HTD2: variants seen among roughly 807,000 people sequenced by gnomAD.
The protein encoded by HTD2 is hydroxyacyl-thioester dehydratase type 2.
In HTD2, 1 loss-of-function variant was observed where a neutral mutation model predicts 3.1. That is an observed-to-expected ratio of 0.32 (90% CI 0.11 to 1.52). The LOEUF (loss-of-function observed/expected upper bound fraction) is 1.52, where lower values mean the gene tolerates loss of function less well. HTD2 is among the 40% of genes most tolerant of loss of function. The probability of loss-of-function intolerance (pLI) is 0.39; values close to 1 mark genes in which losing one functional copy is unlikely to be tolerated. For missense variants in HTD2, 150 were observed against 79.6 expected (o/e 1.88, Z -3.36); for synonymous variants, 50 against 28.9 (o/e 1.73, Z -2.34).
chr3:58,310,965 C>CA (rs3038127), intron 2 of HTD2, among the ~76,000 whole-genome samples: 105 of 142,786 alleles, frequency 7.4e-4, no homozygotes, highest in African/African-American at 1.1e-3. Flanking sequence ...TTTCAAACAT[C>CA]AAAAAAAAAA....
intron 3 of HTD2, 80 bp from the exon 4 acceptor site, chr3:58,316,835 G>C: frequency 8.2e-7 from 1 of 1,226,566 alleles, no homozygotes; most frequent in Non-Finnish European, 1.2e-6. Context: ...AGTCAGAAGT[G>C]AATATTTTAG....
At chr3:58,309,057 T>C (rs2097479021) in intron 1 of HTD2, among the ~76,000 whole-genome samples, 1 of 152,188 alleles carries the variant, frequency 6.6e-6, no homozygotes, top group Non-Finnish European at 1.5e-5. Context: ...CTGTTTAAGC[T>C]CAGTTGTTCA....
intron 2 of HTD2, among the ~76,000 whole-genome samples, chr3:58,314,452 G>A (rs951367608): frequency 1.2e-4 from 18 of 152,166 alleles, no homozygotes; most frequent in African/African-American, 4.3e-4. Context: ...TTGCTAAAGA[G>A]AATGTGTGGT....
intron 1 of HTD2, among the ~76,000 whole-genome samples, chr3:58,306,886 T>C (rs2097475701): frequency 6.6e-6 from 1 of 151,960 alleles, no homozygotes; most frequent in Non-Finnish European, 1.5e-5. Context: ...GATAAACGAG[T>C]TACATAATTG....
intron 1 of HTD2, 79 bp from the exon 2 acceptor site, chr3:58,310,428 C>A: frequency 6.2e-7 from 1 of 1,611,146 alleles, no homozygotes; most frequent in South Asian, 1.1e-5. Context: ...TTCCTAAGTT[C>A]TATTTTAGAT....
Position 58,310,480 on chromosome 3 carries a change from GACTTTTTTTTTTTTC to G in HTD2, c.-415-17_-415-3del. 5 of 1,515,634 alleles carry G rather than the reference GACTTTTTTTTTTTTC, an allele frequency of 3.3e-6. No homozygotes were observed. The East Asian group carries it at 1.2e-4, about 37-fold the overall frequency. The allele number at this position is 1,515,634 out of a possible 1,614,324, so 93.9% of individuals were successfully genotyped here. On this transcript the variant is annotated splice_polypyrimidine_tract_variant and intron_variant, in intron 1 of 4. Coordinates refer to ENST00000461393, the MANE Select transcript of HTD2 (RefSeq NM_001348712.2). ...ATCTGAATAGAATGAAATTTAATAT[GACTTTTTTTTTTTTC>G]ACTTTTTTTAGAGAATTTCAAGATT... is the stretch of plus-strand genomic sequence containing the variant.
chr3:58,310,294 C>T, intron 1 of HTD2: 3 of 1,590,514 alleles, frequency 1.9e-6, no homozygotes, highest in South Asian at 1.1e-5. Flanking sequence ...TTCTAGCCCT[C>T]TTGACTTACT....
At chr3:58,315,763 G>A (rs928599222) in intron 2 of HTD2, 22 of 152,400 alleles carry the variant, frequency 1.4e-4, no homozygotes, top group Admixed American at 3.9e-4. Context: ...CGCACCCTCC[G>A]CCTCCCAGGT....
At chr3:58,317,128 CTTGA>C in intron 4 of HTD2, 135 bp downstream of exon 4, 1 of 671,380 alleles carries the variant, frequency 1.5e-6, no homozygotes, top group South Asian at 2.0e-5. Context: ...AAATAAAGGA[CTTGA>C]TTGTTTCCAA....
chr3:58,306,878 T>C (rs2097475675), intron 1 of HTD2, among the ~76,000 whole-genome samples: 1 of 152,034 alleles, frequency 6.6e-6, no homozygotes, highest in Non-Finnish European at 1.5e-5. Flanking sequence ...CAGATAAAGA[T>C]AAACGAGTTA....
chr3:58,308,567 C>G (rs1301022371), intron 1 of HTD2, among the ~76,000 whole-genome samples: 2 of 152,110 alleles, frequency 1.3e-5, no homozygotes, highest in Non-Finnish European at 2.9e-5. Flanking sequence ...CACGCCAGGC[C>G]CCAAAGTATT....
At position 58,318,228 on chromosome 3, in the gene HTD2, CTTAG is replaced by C. The variant is rs1408982515; in HGVS notation, c.*113_*116del. The stretch of plus-strand genomic sequence containing the variant: ...ATGGTTGATAGGCCCAGAAGCCCAT[CTTAG>C]TTAGGGGAAGGGAGCAGGAAGAGGG... On this transcript the variant is annotated 3_prime_UTR_variant, in exon 5 of 5. Coordinates refer to ENST00000461393, the MANE Select transcript of HTD2 (RefSeq NM_001348712.2). 6 of 584,470 alleles carry C rather than the reference CTTAG, an allele frequency of 1.0e-5. No individual in the cohort carries two copies. The highest frequency in any genetic ancestry group is 5.6e-5 in the East Asian group (2 of 35,544). The allele number at this position is 584,470 out of a possible 1,614,324, so 36.2% of individuals were successfully genotyped here. A position where few individuals can be genotyped will look rare whatever the true frequency, so the allele number is the denominator to read the frequency against.
chr3:58,310,894 C>T (rs1038828967), intron 2 of HTD2, among the ~76,000 whole-genome samples: 3 of 149,074 alleles, frequency 2.0e-5, no homozygotes, highest in African/African-American at 7.5e-5. Flanking sequence ...AACGCCACTG[C>T]ACTCCAGCCT....
chr3:58,317,116 G>A, intron 4 of HTD2, 123 bp downstream of exon 4: 1 of 693,646 alleles, frequency 1.4e-6, no homozygotes, highest in Admixed American at 2.9e-5. Flanking sequence ...CTAAGTAGGG[G>A]AAAATAAAGG....
intron 1 of HTD2, among the ~76,000 whole-genome samples, 186 bp downstream of exon 1, chr3:58,306,837 T>C (rs2097475582): frequency 6.6e-6 from 1 of 151,874 alleles, no homozygotes; most frequent in African/African-American, 2.4e-5. Flanking sequence ...ATTCTTGGAG[T>C]GGACTTTTGT....
In HTD2 at chr3:58,318,473, C is replaced by T. The variant is rs535009147; in HGVS notation, c.*353C>T. On this transcript the variant is annotated 3_prime_UTR_variant, in exon 5 of 5. Coordinates refer to ENST00000461393, the MANE Select transcript of HTD2 (RefSeq NM_001348712.2). The stretch of plus-strand genomic sequence containing the variant: ...AGGAGTCCAAGACCAGCCTGGCCAA[C>T]ATGGTGAAACCCCATCTCTACCAAA... 1.0e-3 allele frequency: 131 copies of T among 127,368 alleles called. No homozygotes were observed. The highest frequency in any genetic ancestry group is 4.0e-3 in the African/African-American group (126 of 31,626). 7.9% of individuals were successfully genotyped at this position (127,368 alleles called of 1,614,324 possible).
rs1469998670 is a variant in HTD2, at chr3:58,310,633, G to A, written c.-331+42G>A. On this transcript the variant is annotated intron_variant, in intron 2 of 4. Coordinates refer to ENST00000461393, the MANE Select transcript of HTD2 (RefSeq NM_001348712.2). ...TAGATTGAACATTCCAAAGATCTTT[G>A]TAAGAAATACAGAAAGAGGCCGGGC... The A allele has an allele frequency of 1.9e-6, 3 of 1,546,840 alleles. No individual in the cohort carries two copies. The African/African-American group carries it at 4.2e-5, about 21-fold the overall frequency.
Position 58,310,528 on chromosome 3 carries a change from T to A in HTD2, c.-394T>A, listed in dbSNP as rs2097481041. The A allele has an allele frequency of 6.2e-7, 1 of 1,611,728 alleles. No homozygotes were observed. The highest frequency in any genetic ancestry group is 8.5e-7 in the Non-Finnish European group (1 of 1,179,440). On this transcript the variant is annotated 5_prime_UTR_variant, in exon 2 of 5. It introduces an in-frame stop codon into an upstream open reading frame of the 5' UTR. Coordinates refer to ENST00000461393, the MANE Select transcript of HTD2 (RefSeq NM_001348712.2). ...TTAGAGAATTTCAAGATTGTGGAGTTGGACTGAATGCTGCACAGTTCAAAC... is the reference window on the plus strand; with the variant it reads ...TTAGAGAATTTCAAGATTGTGGAGTAGGACTGAATGCTGCACAGTTCAAAC...
rs1282609608 is a variant in HTD2, at chr3:58,306,563, C to T, written c.-504C>T. ...CGCTGAGGGCCTCTGTACGGCGCCG[C>T]GTAGGGTCTCGGCCGCAGAACGTGG... is the stretch of plus-strand genomic sequence containing the variant. On this transcript the variant is annotated 5_prime_UTR_variant, in exon 1 of 5. Coordinates refer to ENST00000461393, the MANE Select transcript of HTD2 (RefSeq NM_001348712.2). 6.6e-6 allele frequency: 1 copy of T among 152,182 alleles called. No homozygotes were observed. Among genetic ancestry groups the T allele is most frequent in the African/African-American group, 2.4e-5 (1 of 41,414 alleles). 9.4% of individuals were successfully genotyped at this position (152,182 alleles called of 1,614,324 possible). A position where few individuals can be genotyped will look rare whatever the true frequency, so the allele number is the denominator to read the frequency against.
Sources: allele counts gnomAD v4.1 joint callset (sites outside exome capture counted in the v4.1 genomes callset), GRCh38; gene constraint gnomAD v4.1.1; transcripts MANE v1.5; gene names NCBI Gene and HGNC (gene_info 2026-07-23, HGNC 2026-07-21).